Variants in SLC24A2 observed in about 807,000 individuals in gnomAD.
SLC24A2 encodes sodium/potassium/calcium exchanger 2.
A neutral mutation model predicts 62.0 loss-of-function variants in SLC24A2; 36 were observed. The observed-to-expected ratio is 0.58, with a 90% CI of 0.44 to 0.77. SLC24A2 has a LOEUF of 0.77. Ranked by LOEUF, SLC24A2 falls within the 30% of genes least tolerant of loss-of-function variation. The pLI, the probability that SLC24A2 is intolerant of heterozygous loss-of-function variation, is 0.00. For synonymous variants in SLC24A2, 358 were observed against 294.0 expected (o/e 1.22, Z -2.23); for missense variants, 846 against 817.9 (o/e 1.03, Z -0.42).
chr9:20,176,149 T>C, the SLC24A2 span, among the ~76,000 whole-genome samples: 1 of 152,084 alleles, frequency 6.6e-6, no homozygotes, highest in Non-Finnish European at 1.5e-5. Context: ...TTCAGGTTTT[T>C]GGTCATGGTT....
the SLC24A2 span, among the ~76,000 whole-genome samples, chr9:20,181,912 C>G: frequency 6.6e-6 from 1 of 152,144 alleles, no homozygotes; most frequent in Non-Finnish European, 1.5e-5. Flanking sequence ...TATCCAGAAT[C>G]TACAATGAAC....
intron 2 of SLC24A2, among the ~76,000 whole-genome samples, chr9:19,695,604 T>C (rs758842605): frequency 2.7e-5 from 4 of 150,326 alleles, no homozygotes; most frequent in African/African-American, 7.4e-5. Flanking sequence ...TGTAGGGATT[T>C]GTCTCAGAGA....
Position 19,619,591 on chromosome 9 carries a change from G to T in SLC24A2, c.1071C>A (p.Leu357=). The T allele has an allele frequency of 2.5e-6, 4 of 1,612,168 alleles. No individual in the cohort carries two copies. In the South Asian group the frequency reaches 3.3e-5, roughly 13 times the overall value. The change falls in exon 4 of 11, where the codon CTC becomes CTA. Residue 357 remains leucine (L), a synonymous_variant. Coordinates refer to ENST00000341998, the MANE Select transcript of SLC24A2 (RefSeq NM_020344.4). ...CCAAAGCTTGATGTTTACCTTCGGC[G>T]AGTGGGTCAAGGGTGTGTATCATGA... is the stretch of plus-strand genomic sequence containing the variant. ...FQLMIHTLDP[L]AEELGSYGKL...
At chr9:20,164,834 G>C in the SLC24A2 span, among the ~76,000 whole-genome samples, 3 of 151,820 alleles carry the variant, frequency 2.0e-5, no homozygotes, top group East Asian at 1.9e-4. Context: ...GTCCTTTTTA[G>C]GGACATGGAT....
the SLC24A2 span, among the ~76,000 whole-genome samples, chr9:20,049,268 T>C: frequency 6.6e-6 from 1 of 152,232 alleles, no homozygotes; most frequent in Non-Finnish European, 1.5e-5. Flanking sequence ...GATCCATCAA[T>C]GACTCTATGT....
chr9:19,820,031 A>G, the SLC24A2 span, among the ~76,000 whole-genome samples: 1 of 23,638 alleles, frequency 4.2e-5, no homozygotes, highest in Non-Finnish European at 2.2e-4. Flanking sequence ...ATATACACAT[A>G]TATATATATA....
At chr9:19,733,954 G>A (rs1243066100) in intron 2 of SLC24A2, among the ~76,000 whole-genome samples, 2 of 152,086 alleles carry the variant, frequency 1.3e-5, no homozygotes, top group Non-Finnish European at 2.9e-5. Flanking sequence ...CAGAATAAGG[G>A]AATGGAAAAG....
chr9:19,557,831 G>C (rs7026524), intron 7 of SLC24A2, among the ~76,000 whole-genome samples: 16,409 of 141,106 alleles, frequency 0.12, 988 homozygotes, highest in African/African-American at 0.16. Flanking sequence ...TTTTTTTTGA[G>C]ACAGGGTCTC....
At chr9:20,093,337 G>C in the SLC24A2 span, among the ~76,000 whole-genome samples, 1 of 152,022 alleles carries the variant, frequency 6.6e-6, no homozygotes, top group Non-Finnish European at 1.5e-5. Context: ...CTCCCAAAGT[G>C]CTGGGATTAT....
chr9:20,183,912 A>C, the SLC24A2 span, among the ~76,000 whole-genome samples: 5 of 152,344 alleles, frequency 3.3e-5, no homozygotes, highest in African/African-American at 9.6e-5. Flanking sequence ...AAAAGTACTC[A>C]GCCCCATCAA....
chr9:19,674,243 A>C (rs898315713), intron 2 of SLC24A2, among the ~76,000 whole-genome samples: 3 of 152,132 alleles, frequency 2.0e-5, no homozygotes, highest in Admixed American at 1.3e-4. Flanking sequence ...TCTGTTGTTA[A>C]TCTGATAGGT....
At chr9:20,079,853 A>T in the SLC24A2 span, among the ~76,000 whole-genome samples, 1 of 152,124 alleles carries the variant, frequency 6.6e-6, no homozygotes, top group African/African-American at 2.4e-5. Flanking sequence ...GGTTTTCTAG[A>T]TATACAATCA....
the SLC24A2 span, among the ~76,000 whole-genome samples, chr9:20,103,371 T>C: frequency 6.6e-6 from 1 of 152,160 alleles, no homozygotes; most frequent in Non-Finnish European, 1.5e-5. Context: ...CAGCTGGAGA[T>C]CTGAGAACAG....
At chr9:20,137,134 C>T in the SLC24A2 span, among the ~76,000 whole-genome samples, 175 of 152,230 alleles carry the variant, frequency 1.1e-3, 1 homozygote, top group African/African-American at 4.2e-3. Flanking sequence ...AAGAGTAACA[C>T]ACATGTTTTG....
At chr9:20,269,307 G>A in the SLC24A2 span, among the ~76,000 whole-genome samples, 48 of 152,220 alleles carry the variant, frequency 3.2e-4, no homozygotes, top group Admixed American at 1.2e-3. Context: ...AAAAGGAGAC[G>A]CATCCATGAT....
At chr9:19,951,907 T>G in the SLC24A2 span, among the ~76,000 whole-genome samples, 1 of 152,152 alleles carries the variant, frequency 6.6e-6, no homozygotes, top group African/African-American at 2.4e-5. Context: ...ACAATGAATC[T>G]ATGGATCAAT....
At chr9:19,745,211 A>G (rs1821797124) in intron 2 of SLC24A2, among the ~76,000 whole-genome samples, 1 of 152,140 alleles carries the variant, frequency 6.6e-6, no homozygotes, top group Non-Finnish European at 1.5e-5. Flanking sequence ...TGGTTGAAAG[A>G]TTCCTGAGGC....
the SLC24A2 span, among the ~76,000 whole-genome samples, chr9:20,126,019 A>G: frequency 6.6e-6 from 1 of 152,302 alleles, no homozygotes; most frequent in African/African-American, 2.4e-5. Flanking sequence ...ATTCAGTGAT[A>G]TGAAGTCAAA....
the SLC24A2 span, among the ~76,000 whole-genome samples, chr9:20,167,517 A>G: frequency 6.6e-6 from 1 of 152,000 alleles, no homozygotes; most frequent in East Asian, 1.9e-4. Flanking sequence ...ATAAAGACCT[A>G]GAAGCAATGA....
Sources: gnomAD v4.1 joint callset for allele counts (sites outside exome capture counted in the v4.1 genomes callset) on GRCh38, gnomAD v4.1.1 for gene constraint, MANE v1.5 for transcripts, NCBI Gene and HGNC (gene_info 2026-07-23, HGNC 2026-07-21) for gene names.